Variants in NID1 observed in about 807,000 individuals in gnomAD.
NID1 encodes nidogen 1, also known as nidogen-1.
Under a neutral mutation model 130.6 loss-of-function variants are expected in NID1, and 76 were observed. The observed-to-expected ratio is 0.58, with a 90% CI of 0.48 to 0.70. NID1 has a LOEUF of 0.70. Among genes scored for constraint, NID1 ranks in the 30% least tolerant of loss-of-function variants. The pLI is 0.00. For synonymous variants in NID1, 665 were observed against 675.1 expected, an observed-to-expected ratio of 0.98 and a Z score of 0.23; for missense variants, 1,517 against 1,664.8, an observed-to-expected ratio of 0.91 and a Z score of 1.54.
chr1:236,044,691 GA>G (rs954116763), intron 3 of NID1, among the ~76,000 whole-genome samples: 5 of 152,158 alleles, frequency 3.3e-5, no homozygotes, highest in Non-Finnish European at 7.4e-5. Context: ...GGTTTTTAAA[GA>G]ATAATGGGAG....
intron 14 of NID1, among the ~76,000 whole-genome samples, chr1:235,989,120 G>T (rs2102797625): frequency 6.9e-6 from 1 of 145,208 alleles, no homozygotes; most frequent in East Asian, 2.0e-4. Flanking sequence ...TGTTGCCCAG[G>T]ATCTCAGCTC....
At chr1:236,011,622 C>T (rs1003537833) in intron 12 of NID1, among the ~76,000 whole-genome samples, 1 of 152,184 alleles carries the variant, frequency 6.6e-6, no homozygotes, top group Non-Finnish European at 1.5e-5. Flanking sequence ...AAAGAATGCT[C>T]TACATTGCAG....
intron 5 of NID1, among the ~76,000 whole-genome samples, chr1:236,035,641 C>T (rs977709293): frequency 3.3e-5 from 5 of 152,118 alleles, no homozygotes; most frequent in African/African-American, 1.2e-4. Flanking sequence ...TTCTCCACAT[C>T]CTCTCTCAGT....
intron 1 of NID1, 89 bp from the exon 2 acceptor site, chr1:236,049,078 T>C: frequency 7.5e-7 from 1 of 1,325,642 alleles, no homozygotes; most frequent in Non-Finnish European, 1.1e-6. Flanking sequence ...TACTGTCAGC[T>C]GTACCCATGC....
At position 235,992,354 on chromosome 1, in the gene NID1, C is replaced by T. The variant is rs141220179; in HGVS notation, c.2755+1291G>A. ...TCGTAAGTAGTGCAACAGCCTTCAC[C>T]TCCCCCCGCCAGGGACTGTCAAGCC... On this transcript the variant is annotated intron_variant, in intron 13 of 19. Coordinates refer to ENST00000264187, the MANE Select transcript of NID1 (RefSeq NM_002508.3). Among the ~76,000 whole-genome samples, 518 of 152,308 alleles carry T rather than the reference C, an allele frequency of 3.4e-3. 7 individuals carry two copies. The highest frequency in any genetic ancestry group is 0.012 in the African/African-American group (503 of 41,564).
chr1:235,985,462 A>G lies in NID1; in HGVS notation c.2972T>C (p.Met991Thr), dbSNP rs1480942614. The G allele has an allele frequency of 1.2e-6, 2 of 1,614,018 alleles. No individual in the cohort carries two copies. Among genetic ancestry groups the G allele is most frequent in the East Asian group, 2.2e-5 (1 of 44,890 alleles). The change falls in exon 15 of 20, where the codon ATG becomes ACG. Residue 991 changes from methionine to threonine, a missense_variant. Met to Thr is a moderately conservative substitution (Grantham distance 81, BLOSUM62 -1). This residue lies in a region of NID1 where 1,329 missense variants were observed against 1,429.2 expected (regional missense o/e 0.93). Transcript: ENST00000264187. Reference protein sequence around the residue: ...IGLAFDCVDKMVYWTDITEPS... With the variant: ...IGLAFDCVDKTVYWTDITEPS... The stretch of plus-strand genomic sequence containing the variant: ...CTCAGTGATGTCCGTCCAGTAAACC[A>G]TCTTGTCCACGCAGTCAAAGGCCAG...
chr1:236,053,199 G>T (rs73116906), intron 1 of NID1, among the ~76,000 whole-genome samples: 6,305 of 152,148 alleles, frequency 0.041, 423 homozygotes, highest in African/African-American at 0.14. Flanking sequence ...AATGTATGTA[G>T]AGCTCACATT....
In NID1 at chr1:236,029,422, T is replaced by C. The variant is rs1037953256; in HGVS notation, c.1738+128A>G. 18 of 859,624 alleles carry C rather than the reference T, an allele frequency of 2.1e-5. No individual in the cohort carries two copies. In the East Asian group the frequency reaches 4.8e-4, roughly 23 times the overall value. The allele number at this position is 859,624 out of a possible 1,614,324, so 53.2% of individuals were successfully genotyped here. A position where few individuals can be genotyped will look rare whatever the true frequency, so the allele number is the denominator to read the frequency against. On this transcript the variant is annotated intron_variant, in intron 7 of 19. Coordinates refer to ENST00000264187, the MANE Select transcript of NID1 (RefSeq NM_002508.3). ...TGTCTATAATTGAGGGGAAGGTGAC[T>C]GTAAGGCCCGGTGTATTTCCCTCTC...
intron 7 of NID1, among the ~76,000 whole-genome samples, chr1:236,028,352 A>G (rs968828392): frequency 6.6e-6 from 1 of 152,190 alleles, no homozygotes; most frequent in Admixed American, 6.5e-5. Context: ...CTGTACAAAA[A>G]TTTAAAAATT....
intron 13 of NID1, among the ~76,000 whole-genome samples, chr1:235,991,324 A>G (rs1657731727): frequency 6.6e-6 from 1 of 152,168 alleles, no homozygotes; most frequent in Admixed American, 6.5e-5. Context: ...ACGTGAAAAA[A>G]AATGGCTTGG....
intron 5 of NID1, among the ~76,000 whole-genome samples, chr1:236,034,576 G>A (rs1256929657): frequency 2.6e-5 from 4 of 152,160 alleles, no homozygotes; most frequent in Admixed American, 6.5e-5. Flanking sequence ...TGCATGAAAC[G>A]TCTGGAATAG....
chr1:235,985,302 G>T (rs1657544291), intron 15 of NID1, 77 bp downstream of exon 15: 1 of 1,515,310 alleles, frequency 6.6e-7, no homozygotes, highest in Non-Finnish European at 9.1e-7. Context: ...TTCATTTGCT[G>T]TTCTTCTCTG....
At chr1:236,015,306 G>A (rs9662380) in intron 10 of NID1, among the ~76,000 whole-genome samples, 89,616 of 152,000 alleles carry the variant, frequency 0.59, 27,601 homozygotes, top group East Asian at 0.76. Flanking sequence ...TTCTCTCTGC[G>A]CAGTGAGTCT....
chr1:236,034,989 TTTCTTTC>T (rs1286420123), intron 5 of NID1, among the ~76,000 whole-genome samples: 1 of 113,060 alleles, frequency 8.8e-6, no homozygotes, highest in African/African-American at 5.5e-5. Context: ...TTTTTCTTTC[TTTCTTTC>T]TTTTTTTTTA....
At chr1:236,028,071 G>A (rs1206349816) in intron 7 of NID1, among the ~76,000 whole-genome samples, 1 of 152,074 alleles carries the variant, frequency 6.6e-6, no homozygotes, top group Non-Finnish European at 1.5e-5. Context: ...ATTTGGCCAA[G>A]ATTTATGATT....
intron 11 of NID1, among the ~76,000 whole-genome samples, 156 bp from the exon 12 acceptor site, chr1:236,012,199 A>T (rs955192651): frequency 3.3e-5 from 5 of 152,202 alleles, no homozygotes; most frequent in Admixed American, 2.6e-4. Flanking sequence ...TCAAGTCACT[A>T]ACTCCCCAAT....
intron 8 of NID1, among the ~76,000 whole-genome samples, chr1:236,025,263 C>CTTTT (rs750410998): frequency 8.1e-6 from 1 of 123,752 alleles, no homozygotes; most frequent in African/African-American, 3.2e-5. Flanking sequence ...TACAATTTCT[C>CTTTT]TTTTTTTTTT....
intron 1 of NID1, among the ~76,000 whole-genome samples, chr1:236,050,441 T>A (rs916258121): frequency 6.6e-6 from 1 of 151,764 alleles, no homozygotes; most frequent in African/African-American, 2.4e-5. Context: ...TAATCCCAGC[T>A]ACTCAGGAGG....
chr1:236,037,893 G>C (rs556894140), intron 5 of NID1, among the ~76,000 whole-genome samples: 2 of 152,270 alleles, frequency 1.3e-5, no homozygotes, highest in East Asian at 3.9e-4. Flanking sequence ...AGGAAAGGAA[G>C]ACTTTGCCAT....
Sources: allele counts gnomAD v4.1 joint callset (sites outside exome capture counted in the v4.1 genomes callset), GRCh38; gene constraint gnomAD v4.1.1; regional missense constraint gnomAD v4.1.1; transcripts MANE v1.5; gene names NCBI Gene and HGNC (gene_info 2026-07-23, HGNC 2026-07-21).